Variants in NRG3 observed in about 807,000 individuals in gnomAD.
NRG3 encodes neuregulin 3, also known as pro-neuregulin-3, membrane-bound isoform.
Under a neutral mutation model 66.9 loss-of-function variants are expected in NRG3, and 31 were observed. That is an observed-to-expected ratio of 0.46 (90% CI 0.35 to 0.63). NRG3 has a LOEUF of 0.63. Ranked by LOEUF, NRG3 falls within the 20% of genes least tolerant of loss-of-function variation. NRG3 has a pLI of 0.00. For missense variants in NRG3, 910 were observed against 878.9 expected (o/e 1.04, Z -0.45); for synonymous variants, 393 against 359.4 (o/e 1.09, Z -1.06).
intron 1 of NRG3, among the ~76,000 whole-genome samples, chr10:81,979,684 T>A (rs2060262178): frequency 6.6e-6 from 1 of 151,978 alleles, no homozygotes; most frequent in African/African-American, 2.4e-5. Context: ...CCCCAGGGAG[T>A]CATATACATA....
chr10:82,474,009 A>G (rs1841525271), intron 2 of NRG3, among the ~76,000 whole-genome samples: 1 of 152,006 alleles, frequency 6.6e-6, no homozygotes, highest in East Asian at 1.9e-4. Context: ...GAATTGGGGG[A>G]AAAAATGATG....
At chr10:82,730,326 C>T (rs1458404343) in intron 2 of NRG3, among the ~76,000 whole-genome samples, 1 of 152,008 alleles carries the variant, frequency 6.6e-6, no homozygotes, top group Non-Finnish European at 1.5e-5. Context: ...CCTTGTGATC[C>T]ACCCGCCTCA....
intron 3 of NRG3, among the ~76,000 whole-genome samples, chr10:82,785,930 T>A (rs1208534018): frequency 6.6e-6 from 1 of 152,148 alleles, no homozygotes; most frequent in Non-Finnish European, 1.5e-5. Context: ...AGAATGATCC[T>A]AAGGCATTTC....
chr10:82,412,422 G>T (rs1289958514), intron 2 of NRG3, among the ~76,000 whole-genome samples: 1 of 152,084 alleles, frequency 6.6e-6, no homozygotes, highest in Non-Finnish European at 1.5e-5. Context: ...GTCAAAAAAT[G>T]TACATATCCT....
At chr10:81,912,938 G>A (rs999716880) in intron 1 of NRG3, among the ~76,000 whole-genome samples, 2 of 152,182 alleles carry the variant, frequency 1.3e-5, no homozygotes, top group African/African-American at 2.4e-5. Context: ...TTCTAAAAGC[G>A]GTAGATTTTG....
chr10:82,139,903 A>T (rs1163121129), intron 1 of NRG3, among the ~76,000 whole-genome samples: 5 of 66,398 alleles, frequency 7.5e-5, no homozygotes, highest in African/African-American at 4.2e-4. Context: ...ATTTAGATGA[A>T]TCACCAGATT....
intron 1 of NRG3, among the ~76,000 whole-genome samples, chr10:82,155,259 T>G (rs1391851928): frequency 6.6e-6 from 1 of 151,754 alleles, no homozygotes; most frequent in East Asian, 1.9e-4. Context: ...AAATGGAAAC[T>G]TAAGGGTCAG....
intron 2 of NRG3, among the ~76,000 whole-genome samples, chr10:82,544,544 C>T (rs1213056242): frequency 6.6e-6 from 1 of 152,116 alleles, no homozygotes; most frequent in Non-Finnish European, 1.5e-5. Context: ...TGAAGTCTTG[C>T]TGATTGGGTT....
chr10:82,568,311 A>G (rs1565079055), intron 2 of NRG3, among the ~76,000 whole-genome samples: 1 of 151,958 alleles, frequency 6.6e-6, no homozygotes, highest in Non-Finnish European at 1.5e-5. Flanking sequence ...TGAGCTACCT[A>G]TCAGCTGAAC....
At chr10:82,008,624 G>T (rs1202137780) in intron 1 of NRG3, among the ~76,000 whole-genome samples, 2 of 152,156 alleles carry the variant, frequency 1.3e-5, no homozygotes, top group Non-Finnish European at 2.9e-5. Flanking sequence ...CTTGCCTCAT[G>T]CAAGACCTGT....
intron 2 of NRG3, among the ~76,000 whole-genome samples, chr10:82,588,612 C>T (rs1437456239): frequency 6.6e-6 from 1 of 152,090 alleles, no homozygotes; most frequent in Non-Finnish European, 1.5e-5. Flanking sequence ...AAGCAATTCT[C>T]CTGCCTCAGC....
chr10:82,578,201 A>G (rs2046144767), intron 2 of NRG3, among the ~76,000 whole-genome samples: 1 of 151,176 alleles, frequency 6.6e-6, no homozygotes. Context: ...TGCAGTGACA[A>G]TTTTTGATTT....
intron 1 of NRG3, among the ~76,000 whole-genome samples, chr10:82,023,975 G>A (rs2062178521): frequency 6.6e-6 from 1 of 152,026 alleles, no homozygotes; most frequent in Non-Finnish European, 1.5e-5. Context: ...GAATCTATCA[G>A]GTCTTGGGCT....
chr10:82,521,753 A>G (rs977120795), intron 2 of NRG3, among the ~76,000 whole-genome samples: 3 of 152,146 alleles, frequency 2.0e-5, no homozygotes, highest in East Asian at 1.9e-4. Flanking sequence ...TTTACCCACA[A>G]TAGAACTTCT....
Position 82,986,715 on chromosome 10 carries a change from A to C in NRG3, c.*1110A>C, listed in dbSNP as rs1295426138. 6.6e-6 allele frequency: 1 copy of C among 152,216 alleles called. No homozygotes were observed. The highest frequency in any genetic ancestry group is 1.5e-5 in the Non-Finnish European group (1 of 68,032). 9.4% of individuals were successfully genotyped at this position (152,216 alleles called of 1,614,324 possible). A position where few individuals can be genotyped will look rare whatever the true frequency, so the allele number is the denominator to read the frequency against. ...GGCTCATTAATGATATCAGTATCAT[A>C]AGGTGAGTTCATCAAGGATGTGTGT... On this transcript the variant is annotated 3_prime_UTR_variant, in exon 9 of 9. Transcript: ENST00000372141.
At chr10:82,292,256 A>G (rs1217913688) in intron 1 of NRG3, among the ~76,000 whole-genome samples, 1 of 152,088 alleles carries the variant, frequency 6.6e-6, no homozygotes, top group Non-Finnish European at 1.5e-5. Context: ...GCAAATAAAA[A>G]CCACAATTGA....
chr10:82,287,828 T>C lies in NRG3; in HGVS notation c.824-70911T>C, dbSNP rs1297969050. Among the ~76,000 whole-genome samples the C allele has an allele frequency of 2.6e-5, 4 of 152,094 alleles. No homozygotes were observed. The South Asian group carries it at 6.2e-4, about 24-fold the overall frequency. On this transcript the variant is annotated intron_variant, in intron 1 of 8. Transcript: ENST00000372141. ...CTATATGGTGACCATTGGTCCAACA[T>C]AGGTTGGGACCAAATTCTCAAGAAA...
chr10:82,745,990 C>T (rs774928859), intron 3 of NRG3, among the ~76,000 whole-genome samples: 2 of 152,104 alleles, frequency 1.3e-5, no homozygotes, highest in Non-Finnish European at 2.9e-5. Context: ...TTTCTGGGCT[C>T]AAGTGAGCTT....
At chr10:82,272,774 G>C (rs2078662193) in intron 1 of NRG3, among the ~76,000 whole-genome samples, 1 of 151,920 alleles carries the variant, frequency 6.6e-6, no homozygotes, top group Non-Finnish European at 1.5e-5. Flanking sequence ...AAGCTATCTT[G>C]TGTCCTCTTT....
Sources: allele counts gnomAD v4.1 joint callset (sites outside exome capture counted in the v4.1 genomes callset), GRCh38; gene constraint gnomAD v4.1.1; transcripts MANE v1.5; gene names NCBI Gene and HGNC (gene_info 2026-07-23, HGNC 2026-07-21).